The following NME7 variants were observed in gnomAD, a reference collection of about 807,000 sequenced individuals.
The protein encoded by NME7 is nucleoside diphosphate kinase 7.
Under a neutral mutation model 49.1 loss-of-function variants are expected in NME7, and 41 were observed. That is an observed-to-expected ratio of 0.83 (90% CI 0.65 to 1.08). The LOEUF is 1.08. NME7 is among the 50% of genes least tolerant of loss of function. The pLI is 0.00. For missense variants in NME7, 423 were observed against 463.4 expected (o/e 0.91, Z 0.80); for synonymous variants, 139 against 150.6 (o/e 0.92, Z 0.56).
intron 10 of NME7, among the ~76,000 whole-genome samples, chr1:169,174,236 TAATTA>T (rs1250873955): frequency 6.6e-6 from 1 of 152,226 alleles, no homozygotes. Context: ...AATATTTATT[TAATTA>T]TTCTATGGCT....
At chr1:169,169,210 T>TGGGGGGGGG in intron 11 of NME7, 1 of 177,650 alleles carries the variant, frequency 5.6e-6, no homozygotes, top group Non-Finnish European at 1.0e-5. Flanking sequence ...TGTCAGGGGG[T>TGGGGGGGGG]GGGGGGGATA....
intron 10 of NME7, among the ~76,000 whole-genome samples, chr1:169,228,667 G>C (rs1386170558): frequency 1.5e-5 from 2 of 133,580 alleles, no homozygotes; most frequent in African/African-American, 5.9e-5. Context: ...CTGGGCGACA[G>C]AGCGAGACTC....
At chr1:169,283,312 A>G (rs1185891521) in intron 7 of NME7, among the ~76,000 whole-genome samples, 1 of 151,960 alleles carries the variant, frequency 6.6e-6, no homozygotes, top group Non-Finnish European at 1.5e-5. Context: ...ATATTCCTCC[A>G]TCCCTTTACT....
rs186525508 is a variant in NME7, at chr1:169,360,404, C to T, written c.3+7304G>A. The stretch of plus-strand genomic sequence containing the variant: ...AAATTAATATGGCAAAAGTTTAAGG[C>T]AAATCCAAGGAAAATAAAATATTTT... On this transcript the variant is annotated intron_variant, in intron 1 of 11. Transcript: ENST00000367811. 2.6e-5 allele frequency among the ~76,000 whole-genome samples: 4 copies of T among 152,110 alleles called. No individual in the cohort carries two copies. In the East Asian group the frequency reaches 5.8e-4, roughly 22 times the overall value.
intron 11 of NME7, among the ~76,000 whole-genome samples, chr1:169,143,573 C>T (rs1056784731): frequency 6.6e-6 from 1 of 152,146 alleles, no homozygotes; most frequent in Admixed American, 6.5e-5. Flanking sequence ...TTAATGTCTG[C>T]CTTCCTCATT....
intron 1 of NME7, among the ~76,000 whole-genome samples, chr1:169,350,155 AAAGAAAGAAAG>A (rs1432988922): frequency 6.6e-5 from 10 of 151,230 alleles, no homozygotes; most frequent in Admixed American, 2.0e-4. Context: ...TCGTGCCAAG[AAAGAAAGAAAG>A]AAGAAAGAAA....
intron 7 of NME7, among the ~76,000 whole-genome samples, chr1:169,273,784 C>T (rs35952160): frequency 0.087 from 10,611 of 122,644 alleles, 2,601 homozygotes; most frequent in East Asian, 0.74. Flanking sequence ...CTACAAAGGA[C>T]ATGAACTCAT....
At chr1:169,217,357 A>G (rs1325243118) in intron 10 of NME7, among the ~76,000 whole-genome samples, 2 of 152,210 alleles carry the variant, frequency 1.3e-5, no homozygotes, top group East Asian at 3.8e-4. Context: ...CAAGTGTAAA[A>G]TGCATGACAG....
At chr1:169,283,089 T>TTGTAGGCC (rs1452955005) in intron 7 of NME7, among the ~76,000 whole-genome samples, 1 of 152,116 alleles carries the variant, frequency 6.6e-6, no homozygotes, top group African/African-American at 2.4e-5. Flanking sequence ...CTAAGTCACT[T>TTGTAGGCC]TGTAGGCCTC....
intron 7 of NME7, among the ~76,000 whole-genome samples, chr1:169,238,836 G>A (rs1025253920): frequency 6.6e-6 from 1 of 151,964 alleles, no homozygotes; most frequent in Non-Finnish European, 1.5e-5. Flanking sequence ...CTATATTCAC[G>A]TTAAGCTTGT....
intron 10 of NME7, among the ~76,000 whole-genome samples, chr1:169,220,250 G>C (rs1246629949): frequency 6.6e-6 from 1 of 152,196 alleles, no homozygotes; most frequent in Non-Finnish European, 1.5e-5. Context: ...GGTGGAAGTA[G>C]TTTAACTGTA....
At chr1:169,306,110 G>C (rs1474609036) in intron 4 of NME7, among the ~76,000 whole-genome samples, 1 of 152,166 alleles carries the variant, frequency 6.6e-6, no homozygotes, top group Non-Finnish European at 1.5e-5. Flanking sequence ...AGAAAACTGA[G>C]ATGTGATAAA....
intron 1 of NME7, among the ~76,000 whole-genome samples, chr1:169,329,432 C>G (rs1219625255): frequency 1.4e-5 from 2 of 142,214 alleles, no homozygotes; most frequent in Non-Finnish European, 3.0e-5. Context: ...CTAAGGAAAC[C>G]CAAGAAATTC....
intron 11 of NME7, among the ~76,000 whole-genome samples, chr1:169,157,799 G>T (rs1028415611): frequency 6.6e-6 from 1 of 152,194 alleles, no homozygotes; most frequent in East Asian, 1.9e-4. Context: ...CTTCTCACAG[G>T]GTCTAGGCTT....
chr1:169,188,604 C>T (rs1031886809), intron 10 of NME7, among the ~76,000 whole-genome samples: 2 of 152,190 alleles, frequency 1.3e-5, no homozygotes. Flanking sequence ...CACATTCCAG[C>T]TATTTTTCAG....
At chr1:169,251,122 C>G (rs993167286) in intron 7 of NME7, among the ~76,000 whole-genome samples, 1 of 151,806 alleles carries the variant, frequency 6.6e-6, no homozygotes, top group East Asian at 1.9e-4. Context: ...TGTCTTAGGT[C>G]TAATAGTAAT....
At chr1:169,236,721 C>CTTTTTT (rs111598142) in intron 8 of NME7, among the ~76,000 whole-genome samples, 3 of 145,332 alleles carry the variant, frequency 2.1e-5, no homozygotes, top group African/African-American at 5.1e-5. Flanking sequence ...AACTATTTCC[C>CTTTTTT]TTTTTTTTTT....
chr1:169,319,026 T>A (rs3766094), intron 3 of NME7, among the ~76,000 whole-genome samples: 7,297 of 131,560 alleles, frequency 0.055, 231 homozygotes, highest in East Asian at 0.12. Context: ...AAATTAAATT[T>A]AATTTAATTT....
At chr1:169,288,644 T>C (rs1194696723) in intron 6 of NME7, among the ~76,000 whole-genome samples, 1 of 152,172 alleles carries the variant, frequency 6.6e-6, no homozygotes, top group Admixed American at 6.5e-5. Flanking sequence ...TGAGGAATTA[T>C]TCAAATAGTA....
Sources: allele counts gnomAD v4.1 joint callset (sites outside exome capture counted in the v4.1 genomes callset), GRCh38; gene constraint gnomAD v4.1.1; transcripts MANE v1.5; gene names NCBI Gene and HGNC (gene_info 2026-07-23, HGNC 2026-07-21).